ZNF385B: variants seen among roughly 807,000 people sequenced by gnomAD.
ZNF385B encodes the protein zinc finger protein 385B, also known as zinc finger protein 533.
In ZNF385B, 23 loss-of-function variants were observed where a neutral mutation model predicts 39.2. The ratio of observed to expected loss-of-function variants is 0.59; its 90% CI spans 0.42 to 0.83. The LOEUF (loss-of-function observed/expected upper bound fraction) is 0.83. Among genes scored for constraint, ZNF385B ranks in the 40% least tolerant of loss-of-function variants. The pLI is 0.00. For missense variants in ZNF385B, 552 were observed against 598.9 expected (o/e 0.92, Z 0.82); for synonymous variants, 205 against 222.6 (o/e 0.92, Z 0.70).
chr2:179,464,548 GT>G (rs1376552200), intron 6 of ZNF385B, among the ~76,000 whole-genome samples: 1 of 152,114 alleles, frequency 6.6e-6, no homozygotes, highest in Admixed American at 6.6e-5. Flanking sequence ...AAGGGGTCCA[GT>G]TTCAGTTTTC....
At chr2:179,776,184 A>T (rs1230467197) in intron 1 of ZNF385B, among the ~76,000 whole-genome samples, 2 of 152,222 alleles carry the variant, frequency 1.3e-5, no homozygotes, top group Non-Finnish European at 2.9e-5. Flanking sequence ...AAAGAGAAAG[A>T]TCACACCTCT....
intron 1 of ZNF385B, among the ~76,000 whole-genome samples, chr2:179,781,968 C>T (rs1390558069): frequency 6.6e-6 from 1 of 152,136 alleles, no homozygotes; most frequent in African/African-American, 2.4e-5. Flanking sequence ...AGACTCCTCC[C>T]CAGCTCATTC....
At chr2:179,802,912 T>C (rs1451249306) in intron 1 of ZNF385B, among the ~76,000 whole-genome samples, 1 of 152,118 alleles carries the variant, frequency 6.6e-6, no homozygotes, top group African/African-American at 2.4e-5. Flanking sequence ...AAATAAAATG[T>C]CTTTGCCAGC....
intron 1 of ZNF385B, among the ~76,000 whole-genome samples, chr2:179,780,616 T>C (rs1704608471): frequency 6.6e-6 from 1 of 152,210 alleles, no homozygotes; most frequent in Admixed American, 6.5e-5. Flanking sequence ...TTGGACTTCA[T>C]CCTTGATTGT....
At chr2:179,831,154 G>T (rs1707962272) in intron 1 of ZNF385B, among the ~76,000 whole-genome samples, 2 of 152,104 alleles carry the variant, frequency 1.3e-5, no homozygotes, top group South Asian at 4.1e-4. Context: ...GGATTGTATG[G>T]ACTTCCTTTT....
chr2:179,531,550 C>A (rs1465384145), intron 4 of ZNF385B, among the ~76,000 whole-genome samples: 1 of 152,034 alleles, frequency 6.6e-6, no homozygotes, highest in East Asian at 1.9e-4. Context: ...GCAGGAGAAT[C>A]GCTTGAACCT....
At chr2:179,645,902 T>A (rs1055330914) in intron 3 of ZNF385B, among the ~76,000 whole-genome samples, 6 of 152,212 alleles carry the variant, frequency 3.9e-5, no homozygotes, top group African/African-American at 1.4e-4. Flanking sequence ...CTTCTCTCTG[T>A]AGAGGTCAAA....
intron 5 of ZNF385B, among the ~76,000 whole-genome samples, chr2:179,489,972 C>T (rs1000567477): frequency 1.3e-5 from 2 of 152,204 alleles, no homozygotes; most frequent in African/African-American, 4.8e-5. Flanking sequence ...GTTGCTATGG[C>T]CTGTCTAGGG....
chr2:179,818,753 AC>A (rs1405506545), intron 1 of ZNF385B, among the ~76,000 whole-genome samples: 1 of 151,952 alleles, frequency 6.6e-6, no homozygotes, highest in Non-Finnish European at 1.5e-5. Context: ...CACACAAGTG[AC>A]TCACCGTCTG....
intron 6 of ZNF385B, among the ~76,000 whole-genome samples, chr2:179,468,846 T>G (rs2052410445): frequency 9.9e-6 from 1 of 100,600 alleles, no homozygotes; most frequent in Non-Finnish European, 2.0e-5. Flanking sequence ...AGGTACCAGG[T>G]TCTTACTCTT....
chr2:179,754,982 T>C (rs1702919675), intron 3 of ZNF385B, among the ~76,000 whole-genome samples: 1 of 152,218 alleles, frequency 6.6e-6, no homozygotes, highest in Admixed American at 6.5e-5. Context: ...AGCTTTTGAA[T>C]GTGTTTGCTC....
chr2:179,526,947 T>C (rs1171490793), intron 4 of ZNF385B, among the ~76,000 whole-genome samples: 1 of 152,212 alleles, frequency 6.6e-6, no homozygotes, highest in Non-Finnish European at 1.5e-5. Flanking sequence ...GGGATACAAC[T>C]ACCCAGGCAG....
intron 6 of ZNF385B, among the ~76,000 whole-genome samples, chr2:179,463,977 A>T (rs573562324): frequency 6.6e-6 from 1 of 152,312 alleles, no homozygotes; most frequent in African/African-American, 2.4e-5. Context: ...ACAGTGTAAA[A>T]GCATCCCTAT....
intron 4 of ZNF385B, among the ~76,000 whole-genome samples, chr2:179,535,784 T>C (rs994461391): frequency 7.9e-5 from 12 of 152,236 alleles, no homozygotes; most frequent in Non-Finnish European, 1.5e-5. Context: ...TCTACAAAGA[T>C]GTTGAAACTT....
chr2:179,691,789 T>C (rs941269356), intron 3 of ZNF385B, among the ~76,000 whole-genome samples: 5 of 152,196 alleles, frequency 3.3e-5, no homozygotes, highest in African/African-American at 1.2e-4. Context: ...AAATTATTTT[T>C]GTTTATCTGA....
At chr2:179,564,733 A>G (rs1297060777) in intron 3 of ZNF385B, among the ~76,000 whole-genome samples, 1 of 151,992 alleles carries the variant, frequency 6.6e-6, no homozygotes, top group Non-Finnish European at 1.5e-5. Flanking sequence ...ATATAATCCC[A>G]TTTCTAAATC....
chr2:179,742,623 G>C (rs1049284199), intron 3 of ZNF385B, among the ~76,000 whole-genome samples: 1 of 151,982 alleles, frequency 6.6e-6, no homozygotes, highest in Non-Finnish European at 1.5e-5. Flanking sequence ...TAAGTGAAAA[G>C]ACTGAAAGTA....
rs570184051 is a variant in ZNF385B, at chr2:179,822,021, T to G, written c.-155+39080A>C. 4.6e-5 allele frequency among the ~76,000 whole-genome samples: 7 copies of G among 152,340 alleles called. No homozygotes were observed. In the South Asian group the frequency reaches 1.4e-3, roughly 32 times the overall value. On this transcript the variant is annotated intron_variant, in intron 1 of 9. Coordinates refer to ENST00000410066, the MANE Select transcript of ZNF385B (RefSeq NM_152520.6). ...AAAAAAGTAAAAGCAAGAAACACAT[T>G]ATGTTCCTCTTTTTGAAGAAAATGA...
At chr2:179,563,641 A>AT (rs942760176) in intron 3 of ZNF385B, among the ~76,000 whole-genome samples, 9 of 152,126 alleles carry the variant, frequency 5.9e-5, no homozygotes, top group Non-Finnish European at 1.3e-4. Context: ...GAAATGGTAC[A>AT]TTTTTTCCAG....
Sources: allele counts gnomAD v4.1 joint callset (sites outside exome capture counted in the v4.1 genomes callset), GRCh38; gene constraint gnomAD v4.1.1; transcripts MANE v1.5; gene names NCBI Gene and HGNC (gene_info 2026-07-23, HGNC 2026-07-21).